The following CSNK1G1 variants were observed in gnomAD, a reference collection of about 807,000 sequenced individuals.
The protein encoded by CSNK1G1 is casein kinase 1 gamma 1, also known as casein kinase I isoform gamma-1.
In CSNK1G1, 22 loss-of-function variants were observed where a neutral mutation model predicts 59.6. The observed-to-expected ratio is 0.37, with a 90% confidence interval of 0.26 to 0.53. The LOEUF (loss-of-function observed/expected upper bound fraction) is 0.53, where lower values mean the gene tolerates loss of function less well. Ranked by LOEUF, CSNK1G1 falls within the 20% of genes least tolerant of loss-of-function variation. The probability of loss-of-function intolerance (pLI) is 0.89; values close to 1 mark genes in which losing one functional copy is unlikely to be tolerated. For missense variants in CSNK1G1, 384 were observed against 519.5 expected (o/e 0.74, Z 2.54); for synonymous variants, 179 against 177.1 (o/e 1.01, Z -0.08).
rs1358014498 is a variant in CSNK1G1, at chr15:64,215,158, T to C, written c.445-1034A>G. ...ACCAAAAATAATAATCATAAAAGCA[T>C]TTCAAATTTTATTAAGTATTTCTAT... On this transcript the variant is annotated intron_variant, in intron 5 of 11. Transcript: ENST00000303052. Among the ~76,000 whole-genome samples, 3 of 151,340 alleles carry C rather than the reference T, an allele frequency of 2.0e-5. No homozygotes were observed. In the East Asian group the frequency reaches 5.8e-4, roughly 29 times the overall value.
chr15:64,318,483 CAT>C (rs1896389672), intron 1 of CSNK1G1, among the ~76,000 whole-genome samples: 1 of 151,976 alleles, frequency 6.6e-6, no homozygotes, highest in African/African-American at 2.4e-5. Flanking sequence ...TTCATTATAT[CAT>C]ATTATTTTGG....
intron 7 of CSNK1G1, among the ~76,000 whole-genome samples, chr15:64,205,877 G>A (rs953996304): frequency 1.1e-4 from 17 of 152,170 alleles, no homozygotes; most frequent in Admixed American, 9.2e-4. Flanking sequence ...GAAGTCTTAC[G>A]TTTTAGGACA....
At chr15:64,329,314 A>G (rs2140454533) in intron 1 of CSNK1G1, among the ~76,000 whole-genome samples, 1 of 151,808 alleles carries the variant, frequency 6.6e-6, no homozygotes, top group Non-Finnish European at 1.5e-5. Flanking sequence ...CAGAAATTAC[A>G]ACAAACTATC....
Position 64,214,216 on chromosome 15 carries a change from T to C in CSNK1G1, c.445-92A>G, listed in dbSNP as rs2082282931. The C allele has an allele frequency of 2.2e-6, 2 of 920,538 alleles. No individual in the cohort carries two copies. Among genetic ancestry groups the C allele is most frequent in the Non-Finnish European group, 3.5e-6 (2 of 576,240 alleles). The allele number at this position is 920,538 out of a possible 1,614,324, so 57.0% of individuals were successfully genotyped here. Reference sequence around the variant, plus strand: ...TCTTTAGCCAGACCAAGGTTTTAATTATTGAAATAACAGTAAAATTCATCT... The same window carrying C: ...TCTTTAGCCAGACCAAGGTTTTAATCATTGAAATAACAGTAAAATTCATCT... On this transcript the variant is annotated intron_variant, in intron 5 of 11. Transcript: ENST00000303052. The surrounding 1 kb of genome is among the most constrained non-coding windows in gnomAD (Gnocchi z 4.3).
chr15:64,281,370 C>T (rs992071913), intron 2 of CSNK1G1, among the ~76,000 whole-genome samples: 3 of 152,060 alleles, frequency 2.0e-5, no homozygotes, highest in African/African-American at 4.8e-5. Flanking sequence ...TTTGGAAGGG[C>T]GAGGCAGGAA....
At chr15:64,348,470 T>C (rs1389990686) in intron 1 of CSNK1G1, 1 of 151,866 alleles carries the variant, frequency 6.6e-6, no homozygotes, top group Non-Finnish European at 1.5e-5. Flanking sequence ...AATCTAAAAG[T>C]ATTCAAAAAA....
intron 4 of CSNK1G1, among the ~76,000 whole-genome samples, chr15:64,241,188 C>A (rs949077072): frequency 1.3e-5 from 2 of 152,018 alleles, no homozygotes; most frequent in Non-Finnish European, 1.5e-5. Context: ...AGATATTCTA[C>A]ACAAATGGAA....
intron 2 of CSNK1G1, among the ~76,000 whole-genome samples, chr15:64,286,929 A>C (rs1393134911): frequency 6.6e-6 from 1 of 152,230 alleles, no homozygotes; most frequent in East Asian, 1.9e-4. Context: ...GTCACTTAAA[A>C]GATCATTAGT....
intron 1 of CSNK1G1, among the ~76,000 whole-genome samples, chr15:64,346,117 T>C (rs1897949939): frequency 6.6e-6 from 1 of 151,990 alleles, no homozygotes; most frequent in Non-Finnish European, 1.5e-5. Context: ...CACGACTGGA[T>C]GCAGTGGCTC....
At chr15:64,220,915 A>G (rs2082380591) in intron 4 of CSNK1G1, among the ~76,000 whole-genome samples, 2 of 152,214 alleles carry the variant, frequency 1.3e-5, no homozygotes, top group South Asian at 4.1e-4. Context: ...AAGGTCCAGA[A>G]GCCATCTAGA....
chr15:64,316,559 A>G (rs952681224), intron 1 of CSNK1G1, among the ~76,000 whole-genome samples: 2 of 150,888 alleles, frequency 1.3e-5, no homozygotes, highest in African/African-American at 4.9e-5. Flanking sequence ...AAAAAAAAGA[A>G]AAGAAAAAAA....
At chr15:64,218,498 T>C (rs1488898920) in intron 4 of CSNK1G1, among the ~76,000 whole-genome samples, 1 of 151,954 alleles carries the variant, frequency 6.6e-6, no homozygotes, top group African/African-American at 2.4e-5. Flanking sequence ...GTTCAAGCAA[T>C]TCTTGCGCCT....
rs541847914 is a variant in CSNK1G1, at chr15:64,214,937, C to T, written c.445-813G>A. On this transcript the variant is annotated intron_variant, in intron 5 of 11. Transcript: ENST00000303052. The surrounding 1 kb of genome is among the most constrained non-coding windows in gnomAD (Gnocchi z 4.3). ...TACAGGCATGAGCCACCATGCCTGGCCGAAACAGTTCATCGTTGTTGTTTT... is the reference window on the plus strand; with the variant it reads ...TACAGGCATGAGCCACCATGCCTGGTCGAAACAGTTCATCGTTGTTGTTTT... 6.6e-6 allele frequency among the ~76,000 whole-genome samples: 1 copy of T among 152,044 alleles called. No individual in the cohort carries two copies. Among genetic ancestry groups the T allele is most frequent in the Non-Finnish European group, 1.5e-5 (1 of 68,006 alleles).
At chr15:64,223,121 A>T (rs2082412667) in intron 4 of CSNK1G1, among the ~76,000 whole-genome samples, 1 of 152,188 alleles carries the variant, frequency 6.6e-6, no homozygotes. Context: ...GAGTGCCCAT[A>T]AAGTGGTCTG....
At chr15:64,220,283 C>G (rs1433717108) in intron 4 of CSNK1G1, among the ~76,000 whole-genome samples, 5 of 151,212 alleles carry the variant, frequency 3.3e-5, no homozygotes, top group African/African-American at 9.7e-5. Flanking sequence ...TTAGTAAAGA[C>G]GAAGCTTCAT....
At chr15:64,249,290 A>G (rs998621876) in intron 4 of CSNK1G1, among the ~76,000 whole-genome samples, 3 of 152,196 alleles carry the variant, frequency 2.0e-5, no homozygotes, top group African/African-American at 7.2e-5. Flanking sequence ...TCCTAAAAGT[A>G]ATTCTTACAC....
chr15:64,236,245 C>T (rs1596138563), intron 4 of CSNK1G1, among the ~76,000 whole-genome samples: 1 of 151,810 alleles, frequency 6.6e-6, no homozygotes. Context: ...CACTTATTCA[C>T]ACTATCTAGA....
intron 1 of CSNK1G1, among the ~76,000 whole-genome samples, chr15:64,338,025 A>C (rs1029377166): frequency 6.6e-6 from 1 of 152,222 alleles, no homozygotes; most frequent in Admixed American, 6.5e-5. Flanking sequence ...ATCTGTCAAC[A>C]GGCGCTTGGT....
chr15:64,183,838 C>T (rs186976284), intron 10 of CSNK1G1, among the ~76,000 whole-genome samples: 17 of 151,078 alleles, frequency 1.1e-4, no homozygotes, highest in Admixed American at 5.9e-4. Flanking sequence ...CGAGTTCAAG[C>T]GATTCTCCTG....
Sources: gnomAD v4.1 joint callset for allele counts (sites outside exome capture counted in the v4.1 genomes callset) on GRCh38, gnomAD v4.1.1 for gene constraint, Gnocchi (gnomAD v3.1) non-coding constraint, MANE v1.5 for transcripts, NCBI Gene and HGNC (gene_info 2026-07-23, HGNC 2026-07-21) for gene names.